SLC9C1: variants seen among roughly 807,000 people sequenced by gnomAD.
SLC9C1 encodes solute carrier family 9 member C1.
A neutral mutation model predicts 140.9 loss-of-function variants in SLC9C1; 97 were observed. The observed-to-expected ratio is 0.69, with a 90% confidence interval of 0.58 to 0.82. SLC9C1 has a LOEUF of 0.82. SLC9C1 is among the 40% of genes least tolerant of loss of function. The pLI, the probability that SLC9C1 is intolerant of heterozygous loss-of-function variation, is 0.00. For missense variants in SLC9C1, 1,340 were observed against 1,389.3 expected, an observed-to-expected ratio of 0.96 and a Z score of 0.56; for synonymous variants, 440 against 442.6, an observed-to-expected ratio of 0.99 and a Z score of 0.07.
intron 6 of SLC9C1, among the ~76,000 whole-genome samples, chr3:112,274,238 A>G (rs558110430): frequency 6.6e-6 from 1 of 152,262 alleles, no homozygotes; most frequent in East Asian, 1.9e-4. Flanking sequence ...TGGTGGTAAC[A>G]TGAAATTTCT....
chr3:112,220,989 C>G (rs945915813), intron 14 of SLC9C1, 139 bp downstream of exon 14: 5 of 582,480 alleles, frequency 8.6e-6, no homozygotes, highest in Admixed American at 3.3e-5. Flanking sequence ...ATAGAGCAGA[C>G]AGCTCTGCTG....
At chr3:112,166,770 T>G (rs2077147172) in intron 26 of SLC9C1, among the ~76,000 whole-genome samples, 2 of 152,224 alleles carry the variant, frequency 1.3e-5, no homozygotes, top group South Asian at 2.1e-4. Context: ...ATTTTAACCA[T>G]GGTCTTAATA....
chr3:112,292,976 A>T (rs1167566596), intron 1 of SLC9C1, among the ~76,000 whole-genome samples: 1 of 151,448 alleles, frequency 6.6e-6, no homozygotes, highest in African/African-American at 2.4e-5. Flanking sequence ...TAATTTAACA[A>T]TAAGTTAGTT....
intron 16 of SLC9C1, among the ~76,000 whole-genome samples, chr3:112,205,956 T>A (rs1340681224): frequency 9.4e-6 from 1 of 106,846 alleles, no homozygotes; most frequent in Admixed American, 1.1e-4. Flanking sequence ...GGACTTCATG[T>A]CTAAAACACC....
intron 1 of SLC9C1, among the ~76,000 whole-genome samples, chr3:112,293,764 G>A (rs1008240128): frequency 6.6e-6 from 1 of 152,138 alleles, no homozygotes; most frequent in African/African-American, 2.4e-5. Context: ...CTGAACCAGT[G>A]AGCTTTCCCC....
intron 15 of SLC9C1, among the ~76,000 whole-genome samples, chr3:112,216,741 A>G (rs925084438): frequency 6.6e-6 from 1 of 152,156 alleles, no homozygotes; most frequent in African/African-American, 2.4e-5. Context: ...ATAGGAACAC[A>G]TTTACACTGT....
In SLC9C1 at chr3:112,226,796, A is replaced by C. The variant is rs539114706; in HGVS notation, c.1572+4565T>G. Among the ~76,000 whole-genome samples the C allele has an allele frequency of 2.0e-5, 3 of 152,284 alleles. No individual in the cohort carries two copies. The South Asian group carries it at 6.2e-4, about 32-fold the overall frequency. ...CTTAAGGAACTAAAAAAGTAAGAAC[A>C]AACCAAACCCAAAATTAAGTCAAGG... On this transcript the variant is annotated intron_variant, in intron 13 of 28. Transcript: ENST00000305815.
At chr3:112,271,855 T>C (rs1559739525) in intron 6 of SLC9C1, among the ~76,000 whole-genome samples, 1 of 152,196 alleles carries the variant, frequency 6.6e-6, no homozygotes, top group African/African-American at 2.4e-5. Context: ...TCATATGTTT[T>C]AGCTTTTCAC....
At position 112,286,747 on chromosome 3, in the gene SLC9C1, G is replaced by A; in HGVS notation, c.45C>T (p.Leu15=). 1 of 1,612,936 alleles carries A rather than the reference G, an allele frequency of 6.2e-7. No individual in the cohort carries two copies. Among genetic ancestry groups the A allele is most frequent in the Non-Finnish European group, 8.5e-7 (1 of 1,179,556 alleles). ...FKEFFFSTED[L]PEVILTLSLI... ...AAGACAATGTTAGAATGACTTCAGG[G>A]AGGTCCTCAGTACTGAAAAAAAACT... is the stretch of plus-strand genomic sequence containing the variant. Residue 15 remains leucine, a synonymous_variant, in exon 2 of 29, where the codon CTC becomes CTT. Transcript: ENST00000305815.
intron 1 of SLC9C1, 111 bp downstream of exon 1, chr3:112,293,982 A>C (rs965523508): frequency 2.6e-5 from 4 of 152,200 alleles, no homozygotes; most frequent in African/African-American, 9.7e-5. Flanking sequence ...CTGAATCTCT[A>C]GCAGGAAAAC....
intron 2 of SLC9C1, 113 bp downstream of exon 2, chr3:112,286,591 A>C (rs2080514083): frequency 2.2e-5 from 19 of 845,694 alleles, no homozygotes; most frequent in Non-Finnish European, 3.2e-5. Context: ...CTAAAGGTAT[A>C]AGTTTGAGAA....
At chr3:112,176,750 T>C (rs2077344031) in intron 23 of SLC9C1, among the ~76,000 whole-genome samples, 1 of 152,312 alleles carries the variant, frequency 6.6e-6, no homozygotes, top group East Asian at 1.9e-4. Flanking sequence ...CTTGAGTGAA[T>C]CAGTAGAAAA....
intron 20 of SLC9C1, among the ~76,000 whole-genome samples, chr3:112,183,370 T>C (rs954808879): frequency 0.012 from 1,537 of 128,914 alleles, 38 homozygotes; most frequent in Non-Finnish European, 0.02. Flanking sequence ...TTTTTTTTTT[T>C]CAGCCAATCA....
chr3:112,231,972 A>G (rs556657536), intron 12 of SLC9C1, among the ~76,000 whole-genome samples: 31 of 152,284 alleles, frequency 2.0e-4, no homozygotes, highest in African/African-American at 7.0e-4. Context: ...AATGATACTT[A>G]ATGTAAAATA....
chr3:112,258,364 C>T (rs1418536715), intron 10 of SLC9C1, among the ~76,000 whole-genome samples: 3 of 152,062 alleles, frequency 2.0e-5, no homozygotes, highest in South Asian at 2.1e-4. Flanking sequence ...AGTCCAGTCT[C>T]ACATTGCTAT....
intron 28 of SLC9C1, among the ~76,000 whole-genome samples, chr3:112,147,754 G>A (rs1193548092): frequency 1.3e-5 from 2 of 152,120 alleles, no homozygotes; most frequent in Admixed American, 6.5e-5. Context: ...GACTATATGT[G>A]TTGGGGACGT....
intron 1 of SLC9C1, among the ~76,000 whole-genome samples, chr3:112,287,154 T>C (rs2080533184): frequency 6.6e-6 from 1 of 152,216 alleles, no homozygotes; most frequent in South Asian, 2.1e-4. Flanking sequence ...GAAAGAAGGA[T>C]TCTCCATCTA....
intron 15 of SLC9C1, among the ~76,000 whole-genome samples, chr3:112,210,803 T>C (rs1464051306): frequency 6.6e-6 from 1 of 152,132 alleles, no homozygotes; most frequent in Non-Finnish European, 1.5e-5. Flanking sequence ...CTCATCAGTC[T>C]CCTCTGAGGT....
chr3:112,287,595 CCA>C (rs1559756736), intron 1 of SLC9C1, among the ~76,000 whole-genome samples: 1 of 152,152 alleles, frequency 6.6e-6, no homozygotes, highest in African/African-American at 2.4e-5. Flanking sequence ...AGACAGTTAA[CCA>C]CAGTCAGGCA....
Sources: gnomAD v4.1 joint callset for allele counts (sites outside exome capture counted in the v4.1 genomes callset) on GRCh38, gnomAD v4.1.1 for gene constraint, MANE v1.5 for transcripts, NCBI Gene and HGNC (gene_info 2026-07-23, HGNC 2026-07-21) for gene names.